KIAA0586: variants seen among roughly 807,000 people sequenced by gnomAD.
KIAA0586 encodes KIAA0586, also known as protein TALPID3.
KIAA0586 carries 144 observed loss-of-function variants against 169.8 expected under a neutral mutation model. The observed-to-expected ratio is 0.85, with a 90% confidence interval of 0.74 to 0.97. The LOEUF (loss-of-function observed/expected upper bound fraction) is 0.97. KIAA0586 is among the 50% of genes least tolerant of loss of function. The pLI, the probability that KIAA0586 is intolerant of heterozygous loss-of-function variation, is 0.00. For synonymous variants in KIAA0586, 625 were observed against 612.4 expected (o/e 1.02, Z -0.30); for missense variants, 1,854 against 1,823.0 (o/e 1.02, Z -0.31).
At position 58,448,168 on chromosome 14, in the gene KIAA0586, C is replaced by T. The variant is rs371435245; in HGVS notation, c.808-172C>T. Among the ~76,000 whole-genome samples, 48 of 152,300 alleles carry T rather than the reference C, an allele frequency of 3.2e-4. 1 individual carries two copies. In the East Asian group the frequency reaches 8.7e-3, roughly 28 times the overall value. On this transcript the variant is annotated intron_variant, in intron 6 of 30. Transcript: ENST00000652326. ...CAGATCTTTGTGCTTCTACATCTTT[C>T]CAATGGCATCACTGCTGCTACTACA...
At chr14:58,477,289 T>G (rs2041716080) in intron 20 of KIAA0586, 48 bp downstream of exon 20, 13 of 981,668 alleles carry the variant, frequency 1.3e-5, no homozygotes, top group Non-Finnish European at 2.0e-5. Flanking sequence ...GACAAAAGCT[T>G]TAGTTCATCG....
intron 28 of KIAA0586, among the ~76,000 whole-genome samples, chr14:58,511,841 T>C (rs947282309): frequency 6.6e-6 from 1 of 152,194 alleles, no homozygotes. Context: ...GATTTCTTTT[T>C]AAGTTCCTGT....
chr14:58,442,774 A>G lies in KIAA0586; in HGVS notation c.479A>G (p.Asp160Gly), dbSNP rs865905035. 4 of 1,601,302 alleles carry G rather than the reference A, an allele frequency of 2.5e-6. No homozygotes were observed. Among genetic ancestry groups the G allele is most frequent in the African/African-American group, 1.3e-5 (1 of 74,904 alleles). The change falls in exon 5 of 31, where the codon GAT (aspartate) becomes GGT (glycine). Residue 160 changes from aspartate (D) to glycine (G), a missense_variant. Transcript: ENST00000652326. ...HLLEDAGIEK[D>G]AVTQETRISP... is the part of the protein sequence containing the mutation. ...TTAGAAGATGCAGGCATAGAGAAGG[A>G]TGCTGTTACTCAGGAGACTAGAATT... is the stretch of plus-strand genomic sequence containing the variant.
At chr14:58,443,554 C>T (rs532848669) in intron 5 of KIAA0586, among the ~76,000 whole-genome samples, 1 of 152,112 alleles carries the variant, frequency 6.6e-6, no homozygotes, top group Admixed American at 6.6e-5. Flanking sequence ...TCCCGAGTAG[C>T]TGGGACTACA....
At chr14:58,479,070 G>A (rs1255038666) in intron 20 of KIAA0586, among the ~76,000 whole-genome samples, 2 of 152,150 alleles carry the variant, frequency 1.3e-5, no homozygotes, top group African/African-American at 4.8e-5. Context: ...CATATGATAA[G>A]TAAATGTTTA....
intron 28 of KIAA0586, 71 bp downstream of exon 28, chr14:58,508,780 C>A: frequency 8.5e-7 from 1 of 1,182,954 alleles, no homozygotes; most frequent in Non-Finnish European, 1.2e-6. Context: ...GCGTGGTACC[C>A]CGTCAAGAGC....
chr14:58,489,314 G>A (rs61656634), intron 24 of KIAA0586, among the ~76,000 whole-genome samples: 2,172 of 147,862 alleles, frequency 0.015, 53 homozygotes, highest in African/African-American at 0.05. Flanking sequence ...CAACTTCCTG[G>A]GCTCAAGTGA....
intron 20 of KIAA0586, among the ~76,000 whole-genome samples, chr14:58,480,514 G>A (rs767113579): frequency 2.0e-5 from 3 of 152,086 alleles, no homozygotes; most frequent in Non-Finnish European, 4.4e-5. Flanking sequence ...CCTAAGCCAT[G>A]TATTTGGGCC....
intron 29 of KIAA0586, among the ~76,000 whole-genome samples, chr14:58,525,884 G>A (rs377100344): frequency 6.6e-6 from 1 of 152,272 alleles, no homozygotes; most frequent in Non-Finnish European, 1.5e-5. Flanking sequence ...GGGGAGGGGC[G>A]TCCGCCATTA....
Position 58,448,492 on chromosome 14 carries a change from A to G in KIAA0586, c.960A>G (p.Gln320=). 6.3e-7 allele frequency: 1 copy of G among 1,599,104 alleles called. No individual in the cohort carries two copies. Among genetic ancestry groups the G allele is most frequent in the Non-Finnish European group, 8.5e-7 (1 of 1,170,666 alleles). ...PSLYNTFASK[Q]APLKEVEDTS... ...TATATAACACATTTGCTTCCAAACA[A>G]GGTAAAAATATGTAGTTCTCTATGA... The change falls in exon 7 of 31, where the codon CAA becomes CAG. Residue 320 remains glutamine, a splice_region_variant and synonymous_variant. Transcript: ENST00000652326.
intron 9 of KIAA0586, among the ~76,000 whole-genome samples, chr14:58,456,361 C>T (rs759922834): frequency 9.2e-5 from 14 of 152,160 alleles, no homozygotes; most frequent in Non-Finnish European, 1.8e-4. Flanking sequence ...CTAGGGTTCT[C>T]ATTGTGCTTA....
At chr14:58,511,927 G>C (rs374390410) in intron 28 of KIAA0586, among the ~76,000 whole-genome samples, 1 of 152,148 alleles carries the variant, frequency 6.6e-6, no homozygotes, top group Admixed American at 6.5e-5. Flanking sequence ...CACACAATTT[G>C]TGATGTGTGA....
intron 28 of KIAA0586, among the ~76,000 whole-genome samples, chr14:58,510,808 T>A (rs1172648466): frequency 1.3e-5 from 2 of 149,236 alleles, no homozygotes; most frequent in African/African-American, 5.0e-5. Context: ...GAACTATGAA[T>A]ACAAACAATA....
chr14:58,513,643 C>T (rs2044550314), intron 29 of KIAA0586, among the ~76,000 whole-genome samples: 1 of 151,560 alleles, frequency 6.6e-6, no homozygotes, highest in South Asian at 2.1e-4. Context: ...ACCTATAAAA[C>T]TCTTCTTCTG....
chr14:58,429,568 A>G lies in KIAA0586; in HGVS notation c.270+135A>G, dbSNP rs925619880. The G allele has an allele frequency of 5.5e-5, 36 of 653,102 alleles. No homozygotes were observed. The African/African-American group carries it at 5.6e-4, about 10-fold the overall frequency. The allele number at this position is 653,102 out of a possible 1,614,324, so 40.5% of individuals were successfully genotyped here. A position where few individuals can be genotyped will look rare whatever the true frequency, so the allele number is the denominator to read the frequency against. ...TCACTTACCAAAACAAATGTTTTAT[A>G]TACTACAATTGTGACTTTGAATGGT... On this transcript the variant is annotated intron_variant, in intron 2 of 30. Coordinates refer to ENST00000652326, the MANE Select transcript of KIAA0586 (RefSeq NM_001329943.3).
At position 58,438,111 on chromosome 14, in the gene KIAA0586, C is replaced by T. The variant is rs559782618; in HGVS notation, c.411-4595C>T. On this transcript the variant is annotated intron_variant, in intron 4 of 30. Transcript: ENST00000652326. Reference sequence around the variant, plus strand: ...TTTGGTGAGAATAGTTGCAGCATAGCATTGGGATGTTCAGTGGGTTTAAGA... The same window carrying T: ...TTTGGTGAGAATAGTTGCAGCATAGTATTGGGATGTTCAGTGGGTTTAAGA... Among the ~76,000 whole-genome samples the T allele has an allele frequency of 9.2e-5, 14 of 152,150 alleles. No individual in the cohort carries two copies. In the South Asian group the frequency reaches 2.9e-3, roughly 32 times the overall value.
chr14:58,445,813 G>A (rs1468476278), intron 6 of KIAA0586, among the ~76,000 whole-genome samples: 1 of 143,186 alleles, frequency 7.0e-6, no homozygotes, highest in Non-Finnish European at 1.5e-5. Flanking sequence ...AGTGAGTGAG[G>A]GAATGATCAG....
chr14:58,531,033 G>A (rs145013371), intron 29 of KIAA0586, among the ~76,000 whole-genome samples: 23 of 152,178 alleles, frequency 1.5e-4, no homozygotes, highest in East Asian at 1.2e-3. Context: ...CAAAGGGGCC[G>A]GGTGCAGTGG....
At chr14:58,555,008 C>A (rs1051104096), downstream of KIAA0586, among the ~76,000 whole-genome samples, 2 of 151,658 alleles carry the variant, frequency 1.3e-5, no homozygotes, top group African/African-American at 4.9e-5. Context: ...TCCACAGTCA[C>A]TGAATAGAAG....
Sources: allele counts gnomAD v4.1 joint callset (sites outside exome capture counted in the v4.1 genomes callset), GRCh38; gene constraint gnomAD v4.1.1; transcripts MANE v1.5; gene names NCBI Gene and HGNC (gene_info 2026-07-23, HGNC 2026-07-21).